NUP205: variants seen among roughly 807,000 people sequenced by gnomAD.
NUP205 encodes the protein nucleoporin 205, also known as nuclear pore complex protein Nup205.
NUP205 carries 76 observed loss-of-function variants against 253.8 expected under a neutral mutation model. That is an observed-to-expected ratio of 0.30 (90% CI 0.25 to 0.36). NUP205 has a LOEUF of 0.36. NUP205 is among the 10% of genes least tolerant of loss of function. NUP205 has a pLI of 1.00. For missense variants in NUP205, 2,162 were observed against 2,425.5 expected, an observed-to-expected ratio of 0.89 and a Z score of 2.28; for synonymous variants, 832 against 850.1, an observed-to-expected ratio of 0.98 and a Z score of 0.37.
chr7:135,574,898 A>T (rs545856891), intron 3 of NUP205, among the ~76,000 whole-genome samples: 1 of 152,344 alleles, frequency 6.6e-6, no homozygotes, highest in South Asian at 2.1e-4. Flanking sequence ...TAAAGATAAT[A>T]TATGGCTACC....
intron 28 of NUP205, 68 bp from the exon 29 acceptor site, chr7:135,619,355 C>T: frequency 6.7e-7 from 1 of 1,492,258 alleles, no homozygotes; most frequent in Non-Finnish European, 9.1e-7. Flanking sequence ...AAAAAAAAAG[C>T]TATGAAATTT....
chr7:135,628,909 T>C (rs73725434), intron 34 of NUP205, among the ~76,000 whole-genome samples: 23,778 of 152,244 alleles, frequency 0.16, 2,040 homozygotes, highest in Middle Eastern at 0.19. Flanking sequence ...TTTAGGCCTA[T>C]GTGGTCTTCA....
At chr7:135,563,747 G>A (rs1312358170) in intron 1 of NUP205, among the ~76,000 whole-genome samples, 5 of 152,118 alleles carry the variant, frequency 3.3e-5, no homozygotes, top group African/African-American at 9.7e-5. Context: ...CACTTTAGGA[G>A]GCTGAGGAGG....
intron 35 of NUP205, among the ~76,000 whole-genome samples, chr7:135,631,490 A>G (rs1733196058): frequency 1.3e-5 from 2 of 152,188 alleles, no homozygotes; most frequent in African/African-American, 4.8e-5. Context: ...TAACTCCCTG[A>G]TGGGAAAGAT....
intron 18 of NUP205, 118 bp downstream of exon 18, chr7:135,603,112 C>CTT (rs11300648): frequency 6.7e-4 from 223 of 332,336 alleles, no homozygotes; most frequent in Admixed American, 1.0e-3. Context: ...CCTCATTTTA[C>CTT]TTTTTTTTTT....
intron 12 of NUP205, among the ~76,000 whole-genome samples, chr7:135,593,528 G>A (rs12540650): frequency 0.034 from 5,168 of 152,228 alleles, 119 homozygotes; most frequent in Middle Eastern, 0.1. Flanking sequence ...ATGTGTGTAT[G>A]CATAAAGAAT....
At position 135,593,027 on chromosome 7, in the gene NUP205, G is replaced by C. The variant is rs545239193; in HGVS notation, c.1665G>C (p.Trp555Cys). The stretch of plus-strand genomic sequence containing the variant: ...GAGCAGGTGGCAGTCCTGTTTCCTG[G>C]GAACATTTCTTTCACTCCTTGATGC... ...IQGAGGSPVS[W>C]EHFFHSLMLY... The change falls in exon 12 of 43, where the codon TGG becomes TGC. Residue 555 changes from tryptophan to cysteine, a missense_variant. Trp to Cys is a radical substitution (Grantham distance 215). Coordinates refer to ENST00000285968, the MANE Select transcript of NUP205 (RefSeq NM_015135.3). 6.8e-6 allele frequency: 11 copies of C among 1,613,942 alleles called. No individual in the cohort carries two copies. In the East Asian group the frequency reaches 2.0e-4, roughly 29 times the overall value.
chr7:135,592,946 G>T (rs756458511), intron 11 of NUP205, 41 bp from the exon 12 acceptor site: 7 of 1,355,390 alleles, frequency 5.2e-6, no homozygotes, highest in Non-Finnish European at 7.4e-6. Context: ...CAAATGCTTA[G>T]ATGTTTTTTA....
At chr7:135,638,707 A>G (rs746012704) in intron 38 of NUP205, 24 bp downstream of exon 38, 5 of 1,613,862 alleles carry the variant, frequency 3.1e-6, no homozygotes, top group Non-Finnish European at 4.2e-6. Flanking sequence ...TTCATTCTGT[A>G]TTGAAGGAAC....
chr7:135,641,122 T>C (rs1472065451), intron 38 of NUP205, among the ~76,000 whole-genome samples: 1 of 152,176 alleles, frequency 6.6e-6, no homozygotes, highest in East Asian at 1.9e-4. Flanking sequence ...GGCCAAGGCA[T>C]GAGGGGAAAG....
chr7:135,601,473 A>C lies in NUP205; in HGVS notation c.2478A>C (p.Gly826=). ...TTGCTCTCAGTTTACTGGAAGAAGG[A>C]GTTAAGCAGCTTGACACCTATGCCC... ...LELALSLLEE[G]VKQLDTYAPF... The change falls in exon 17 of 43, where the codon GGA becomes GGC. Residue 826 remains glycine (G), a synonymous_variant. Transcript: ENST00000285968. 2 of 1,613,900 alleles carry C rather than the reference A, an allele frequency of 1.2e-6. No homozygotes were observed. Among genetic ancestry groups the C allele is most frequent in the South Asian group, 2.2e-5 (2 of 91,046 alleles).
rs1794795821 is a variant in NUP205 at position 135,635,628 on chromosome 7, G to A, written c.5107G>A (p.Glu1703Lys). 3.1e-6 allele frequency: 5 copies of A among 1,591,690 alleles called. No homozygotes were observed. Among genetic ancestry groups the A allele is most frequent in the Non-Finnish European group, 4.3e-6 (5 of 1,162,660 alleles). Residue 1703 changes from glutamate (E) to lysine (K), a missense_variant, in exon 36 of 43, where the codon GAG (glutamate) becomes AAG (lysine). Coordinates refer to ENST00000285968, the MANE Select transcript of NUP205 (RefSeq NM_015135.3). ...DVDVNEGSLM[E>K]LQGHIGRFQR... The stretch of plus-strand genomic sequence containing the variant: ...TGATGTAAATGAAGGGTCTCTAATG[G>A]AGCTACAGGGACATATTGGAAGATT...
intron 35 of NUP205, among the ~76,000 whole-genome samples, chr7:135,634,627 A>C (rs574020138): frequency 2.0e-5 from 3 of 152,304 alleles, no homozygotes; most frequent in African/African-American, 7.2e-5. Context: ...TTCAAATAGG[A>C]AAACTCTTCT....
chr7:135,600,729 A>G lies in NUP205; in HGVS notation c.2275-141A>G, dbSNP rs1449680485. 1.6e-5 allele frequency: 7 copies of G among 441,374 alleles called. No individual in the cohort carries two copies. In the South Asian group the frequency reaches 2.1e-4, roughly 13 times the overall value. 27.3% of individuals were successfully genotyped at this position (441,374 alleles called of 1,614,324 possible). A position where few individuals can be genotyped will look rare whatever the true frequency, so the allele number is the denominator to read the frequency against. On this transcript the variant is annotated intron_variant, in intron 15 of 42. Coordinates refer to ENST00000285968, the MANE Select transcript of NUP205 (RefSeq NM_015135.3). ...TAAAGCAAAATGAATTGGGATTTCT[A>G]TATTGCTTAGCGTAAGTGAATAAAG...
In NUP205 at chr7:135,645,477, A is replaced by G; in HGVS notation, c.5693A>G (p.Glu1898Gly). 3 of 1,613,780 alleles carry G rather than the reference A, an allele frequency of 1.9e-6. No homozygotes were observed. The highest frequency in any genetic ancestry group is 1.7e-6 in the Non-Finnish European group (2 of 1,179,836). Reference protein sequence around the residue: ...KLLSLCSFIIETCLFILWRHL... With the variant: ...KLLSLCSFIIGTCLFILWRHL... ...CTGAGCTCTGGTATAGTTATCATAG[A>G]GACCTGCCTATTTATTCTTTGGCGC... The change falls in exon 41 of 43, where the codon GAG becomes GGG. Residue 1898 changes from glutamate to glycine, a missense_variant. Physicochemically the swap from Glu to Gly is moderately conservative, Grantham distance 98. Coordinates refer to ENST00000285968, the MANE Select transcript of NUP205 (RefSeq NM_015135.3).
At chr7:135,592,679 G>A (rs947323963) in intron 11 of NUP205, among the ~76,000 whole-genome samples, 20 of 152,282 alleles carry the variant, frequency 1.3e-4, no homozygotes, top group South Asian at 4.1e-4. Context: ...TTGAGGTCAG[G>A]AGTTCAAGAG....
At position 135,630,365 on chromosome 7, in the gene NUP205, C is replaced by T; in HGVS notation, c.4954C>T (p.His1652Tyr). The T allele has an allele frequency of 6.3e-7, 1 of 1,593,114 alleles. No homozygotes were observed. Among genetic ancestry groups the T allele is most frequent in the African/African-American group, 1.3e-5 (1 of 74,168 alleles). Reference sequence around the variant, plus strand: ...TTAGGTATTGCAGTTTCTTATTTCACATTCTGATACCATACAAGCAATTCT... The same window carrying T: ...TTAGGTATTGCAGTTTCTTATTTCATATTCTGATACCATACAAGCAATTCT... ...AGQVLQFLIS[H>Y]SDTIQAILRC... The change falls in exon 35 of 43, where the codon CAT becomes TAT. Residue 1652 changes from histidine to tyrosine, a missense_variant. By Grantham distance (83) the His-to-Tyr change is moderately conservative (BLOSUM62 2). Coordinates refer to ENST00000285968, the MANE Select transcript of NUP205 (RefSeq NM_015135.3).
In NUP205 at chr7:135,584,853, C is replaced by T; in HGVS notation, c.1064C>T (p.Ala355Val). ...DVTALAEFTE[A>V]DEAMAELAIA... ...CTAGCTCTGGCAGAATTCACAGAGG[C>T]AGATGAAGCAATGGCAGAACTCGCA... The change falls in exon 8 of 43, where the codon GCA (alanine) becomes GTA (valine). Residue 355 changes from alanine (A) to valine (V), a missense_variant. By Grantham distance (64) the Ala-to-Val change is moderately conservative. This residue lies in a region of NUP205 where 892 missense variants were observed against 957.1 expected (regional missense o/e 0.93). Transcript: ENST00000285968. 1 of 1,614,016 alleles carries T rather than the reference C, an allele frequency of 6.2e-7. No homozygotes were observed. Among genetic ancestry groups the T allele is most frequent in the Non-Finnish European group, 8.5e-7 (1 of 1,179,940 alleles).
intron 37 of NUP205, 83 bp from the exon 38 acceptor site, chr7:135,638,474 C>A: frequency 1.6e-6 from 2 of 1,260,186 alleles, no homozygotes; most frequent in Non-Finnish European, 2.2e-6. Flanking sequence ...GATTGATAAC[C>A]TTTTCTTCTT....
Sources: gnomAD v4.1 joint callset for allele counts (sites outside exome capture counted in the v4.1 genomes callset) on GRCh38, gnomAD v4.1.1 for gene constraint, gnomAD v4.1.1 regional missense constraint, MANE v1.5 for transcripts, NCBI Gene and HGNC (gene_info 2026-07-23, HGNC 2026-07-21) for gene names.